SYNDIG1: variants seen among roughly 807,000 people sequenced by gnomAD.
The protein encoded by SYNDIG1 is synapse differentiation inducing 1.
SYNDIG1 carries 9 observed loss-of-function variants against 19.4 expected under a neutral mutation model. The observed-to-expected ratio is 0.46, with a 90% CI of 0.28 to 0.81. The LOEUF is 0.81. SYNDIG1 is among the 30% of genes least tolerant of loss of function. The pLI, the probability that SYNDIG1 is intolerant of heterozygous loss-of-function variation, is 0.12. For missense variants in SYNDIG1, 311 were observed against 343.3 expected (o/e 0.91, Z 0.74); for synonymous variants, 141 against 145.9 (o/e 0.97, Z 0.24).
intron 1 of SYNDIG1, among the ~76,000 whole-genome samples, chr20:24,532,010 T>C (rs1223682146): frequency 6.6e-6 from 1 of 152,212 alleles, no homozygotes; most frequent in East Asian, 1.9e-4. Flanking sequence ...TGCCTCTGCT[T>C]CCTGAACATC....
At chr20:24,593,985 T>G (rs759462591) in intron 3 of SYNDIG1, among the ~76,000 whole-genome samples, 3 of 152,186 alleles carry the variant, frequency 2.0e-5, no homozygotes, top group Non-Finnish European at 4.4e-5. Flanking sequence ...TGTAGGTTGT[T>G]TGTTTATTCT....
chr20:24,660,990 C>T (rs1352215283), intron 3 of SYNDIG1, among the ~76,000 whole-genome samples: 1 of 152,200 alleles, frequency 6.6e-6, no homozygotes, highest in Non-Finnish European at 1.5e-5. Flanking sequence ...CCAGCAGGGT[C>T]CCATGGCAGC....
chr20:24,632,364 T>C (rs1255900744), intron 3 of SYNDIG1, among the ~76,000 whole-genome samples: 2 of 152,148 alleles, frequency 1.3e-5, no homozygotes, highest in Non-Finnish European at 2.9e-5. Context: ...CTCAGCCTCC[T>C]GAGTAGCTGG....
intron 3 of SYNDIG1, among the ~76,000 whole-genome samples, chr20:24,608,266 C>T (rs570162117): frequency 1.3e-5 from 2 of 152,020 alleles, no homozygotes; most frequent in East Asian, 1.9e-4. Context: ...GCTCACTCCG[C>T]CTCCCGGGTT....
intron 1 of SYNDIG1, among the ~76,000 whole-genome samples, chr20:24,493,389 C>G (rs1489593493): frequency 3.3e-5 from 5 of 152,092 alleles, no homozygotes; most frequent in Non-Finnish European, 5.9e-5. Flanking sequence ...TGGACACACA[C>G]AGACATGCAC....
intron 1 of SYNDIG1, among the ~76,000 whole-genome samples, chr20:24,538,470 A>G (rs990141064): frequency 2.5e-4 from 24 of 95,368 alleles, no homozygotes; most frequent in Non-Finnish European, 2.0e-4. Context: ...TACTCCATTG[A>G]ATGTAGATAG....
At chr20:24,488,604 A>C (rs1242645578) in intron 1 of SYNDIG1, among the ~76,000 whole-genome samples, 2 of 152,216 alleles carry the variant, frequency 1.3e-5, no homozygotes, top group Non-Finnish European at 2.9e-5. Context: ...GGGTGTGGAC[A>C]CCAGAGGAGC....
At chr20:24,649,147 T>A (rs538584175) in intron 3 of SYNDIG1, among the ~76,000 whole-genome samples, 158 of 152,274 alleles carry the variant, frequency 1.0e-3, no homozygotes, top group African/African-American at 3.8e-3. Flanking sequence ...CCCCAGGGAC[T>A]GGATGCTTGT....
At chr20:24,580,467 A>G (rs1425206713) in intron 2 of SYNDIG1, among the ~76,000 whole-genome samples, 6 of 152,036 alleles carry the variant, frequency 3.9e-5, no homozygotes, top group African/African-American at 9.7e-5. Context: ...CTGGAGTGCA[A>G]TGATGCAATC....
At chr20:24,589,736 A>G (rs367618828) in intron 3 of SYNDIG1, among the ~76,000 whole-genome samples, 22 of 152,162 alleles carry the variant, frequency 1.4e-4, no homozygotes, top group African/African-American at 5.1e-4. Context: ...ACTAACTGCA[A>G]CATTATAACA....
In SYNDIG1 at chr20:24,665,657, T is replaced by C; in HGVS notation, c.*153T>C. The C allele has an allele frequency of 9.2e-7, 1 of 1,087,952 alleles. No homozygotes were observed. Among genetic ancestry groups the C allele is most frequent in the Non-Finnish European group, 1.3e-6 (1 of 775,662 alleles). 67.4% of individuals were successfully genotyped at this position (1,087,952 alleles called of 1,614,324 possible). ...TACCCATGGATTTATTTTGTTTTTA[T>C]CCTTTAATTTCATGTTCACAGCACT... On this transcript the variant is annotated 3_prime_UTR_variant, in exon 4 of 4. Coordinates refer to ENST00000376862, the MANE Select transcript of SYNDIG1 (RefSeq NM_024893.3).
At chr20:24,575,190 G>A (rs976852054) in intron 2 of SYNDIG1, among the ~76,000 whole-genome samples, 2 of 152,224 alleles carry the variant, frequency 1.3e-5, no homozygotes, top group African/African-American at 4.8e-5. Flanking sequence ...TTGAAAGGGA[G>A]TTCAAGTCTC....
chr20:24,619,063 G>A (rs1290343047), intron 3 of SYNDIG1, among the ~76,000 whole-genome samples: 1 of 152,186 alleles, frequency 6.6e-6, no homozygotes, highest in East Asian at 1.9e-4. Flanking sequence ...TGCAGGGCAG[G>A]AGTGTTGAAG....
Position 24,584,208 on chromosome 20 carries a change from T to C in SYNDIG1, c.481-648T>C, listed in dbSNP as rs1358531199. Among the ~76,000 whole-genome samples the C allele has an allele frequency of 1.3e-5, 2 of 152,066 alleles. 1 individual carries two copies. The highest frequency in any genetic ancestry group is 4.2e-4 in the South Asian group (2 of 4,814). ...GGCTCACAGGGCCATCCTCTGCTCC[T>C]CAGGAAGCCACCCTCGTGCTCCAGG... On this transcript the variant is annotated intron_variant, in intron 2 of 3. Coordinates refer to ENST00000376862, the MANE Select transcript of SYNDIG1 (RefSeq NM_024893.3).
intron 1 of SYNDIG1, among the ~76,000 whole-genome samples, chr20:24,479,131 T>C (rs1266313346): frequency 6.6e-6 from 1 of 152,200 alleles, no homozygotes; most frequent in Non-Finnish European, 1.5e-5. Context: ...AAGACTAAGT[T>C]GGTGCCTAAT....
chr20:24,531,965 G>A (rs765080994), intron 1 of SYNDIG1, among the ~76,000 whole-genome samples: 6 of 152,202 alleles, frequency 3.9e-5, no homozygotes, highest in East Asian at 1.9e-4. Flanking sequence ...GGGTAACAGA[G>A]GCTGCCTCCA....
chr20:24,470,056 C>G (rs534654369), intron 1 of SYNDIG1, among the ~76,000 whole-genome samples: 7 of 152,254 alleles, frequency 4.6e-5, no homozygotes, highest in Non-Finnish European at 1.0e-4. Context: ...TGGTGCCTTG[C>G]CACCCCGGGA....
At chr20:24,624,651 G>C (rs1340684258) in intron 3 of SYNDIG1, among the ~76,000 whole-genome samples, 1 of 152,158 alleles carries the variant, frequency 6.6e-6, no homozygotes, top group African/African-American at 2.4e-5. Context: ...AAGTAGTGAA[G>C]ATATAAATCA....
At chr20:24,551,740 C>T (rs778231579) in intron 2 of SYNDIG1, among the ~76,000 whole-genome samples, 2 of 151,892 alleles carry the variant, frequency 1.3e-5, no homozygotes, top group Non-Finnish European at 2.9e-5. Flanking sequence ...TTTTATTTTT[C>T]TAATGAGTTA....
Sources: gnomAD v4.1 joint callset for allele counts (sites outside exome capture counted in the v4.1 genomes callset) on GRCh38, gnomAD v4.1.1 for gene constraint, MANE v1.5 for transcripts, NCBI Gene and HGNC (gene_info 2026-07-23, HGNC 2026-07-21) for gene names.